FANCD2: variants seen among roughly 807,000 people sequenced by gnomAD.
FANCD2 encodes the protein FA complementation group D2.
A neutral mutation model predicts 192.3 loss-of-function variants in FANCD2; 131 were observed. That is an observed-to-expected ratio of 0.68 (90% CI 0.59 to 0.79). FANCD2 has a LOEUF of 0.79. FANCD2 is among the 30% of genes least tolerant of loss of function. The pLI is 0.00. For missense variants in FANCD2, 1,508 were observed against 1,701.6 expected (o/e 0.89, Z 2.00); for synonymous variants, 524 against 612.5 (o/e 0.86, Z 2.13).
chr3:10,096,567 C>A, intron 42 of FANCD2, 95 bp downstream of exon 42: 1 of 1,118,638 alleles, frequency 8.9e-7, no homozygotes, highest in African/African-American at 1.5e-5. Context: ...GCCCTCGTCT[C>A]TCAGTAAGGC....
rs571928194 is a variant in FANCD2, at chr3:10,075,009, T to TC, written c.2859+337dup. 2.4e-4 allele frequency among the ~76,000 whole-genome samples: 37 copies of TC among 152,262 alleles called. No homozygotes were observed. In the East Asian group the frequency reaches 4.1e-3, roughly 17 times the overall value. On this transcript the variant is annotated intron_variant, in intron 29 of 43. Transcript: ENST00000675286. Reference sequence around the variant, plus strand: ...AGAAGTCAATGCCCTTTTCACTTTTTCACAACATTTGTTCAGCACCTGACA... The same window carrying TC: ...AGAAGTCAATGCCCTTTTCACTTTTTCCACAACATTTGTTCAGCACCTGACA...
At chr3:10,077,793 G>T (rs893447421) in intron 29 of FANCD2, among the ~76,000 whole-genome samples, 2 of 152,068 alleles carry the variant, frequency 1.3e-5, no homozygotes, top group African/African-American at 4.8e-5. Context: ...ATATTGGGAG[G>T]CCAAGGCAGA....
intron 9 of FANCD2, chr3:10,040,653 A>G: frequency 4.6e-6 from 2 of 433,132 alleles, no homozygotes; most frequent in South Asian, 1.7e-5. Context: ...GGAGAACAAT[A>G]TCCCTAGGTA....
chr3:10,086,282 C>G (rs114848937), intron 33 of FANCD2, among the ~76,000 whole-genome samples: 19 of 152,324 alleles, frequency 1.2e-4, no homozygotes, highest in African/African-American at 4.6e-4. Context: ...TAGCCTGTTT[C>G]TTTCCCCTTG....
chr3:10,035,107 A>C lies in FANCD2; in HGVS notation c.378-66A>C. On this transcript the variant is annotated intron_variant, in intron 5 of 43. Coordinates refer to ENST00000675286, the MANE Select transcript of FANCD2 (RefSeq NM_001018115.3). ...TATGTATTTAACCAATTTTATTGAG[A>C]AAAGATGATAAAAGCATTAAAACAA... The C allele has an allele frequency of 8.9e-6, 12 of 1,348,904 alleles. 1 individual carries two copies. The South Asian group carries it at 1.4e-4, about 16-fold the overall frequency. The allele number at this position is 1,348,904 out of a possible 1,614,324, so 83.6% of individuals were successfully genotyped here. A position where few individuals can be genotyped will look rare whatever the true frequency, so the allele number is the denominator to read the frequency against.
intron 25 of FANCD2, 83 bp from the exon 26 acceptor site, chr3:10,067,126 A>G (rs1258010894): frequency 2.2e-6 from 2 of 893,852 alleles, no homozygotes; most frequent in African/African-American, 3.3e-5. Flanking sequence ...TTTCATAGAC[A>G]TCTCTCAGCT....
rs1239986149 is a variant in FANCD2, at chr3:10,095,407, G to T, written c.4038+133G>T. ...TGTCTGTCCAAAGGCAGTTTATTCA[G>T]AGCAAATCCTTAGTTGCTCCTTGAG... On this transcript the variant is annotated intron_variant, in intron 41 of 43. Transcript: ENST00000675286. The T allele has an allele frequency of 4.0e-6, 3 of 757,306 alleles. No homozygotes were observed. In the Admixed American group the frequency reaches 6.1e-5, roughly 15 times the overall value. The allele number at this position is 757,306 out of a possible 1,614,324, so 46.9% of individuals were successfully genotyped here.
In FANCD2 at chr3:10,052,507, A is replaced by C. The variant is rs2087247708; in HGVS notation, c.1656+10A>C. 1 of 1,586,816 alleles carries C rather than the reference A, an allele frequency of 6.3e-7. No homozygotes were observed. Among genetic ancestry groups the C allele is most frequent in the South Asian group, 1.1e-5 (1 of 90,480 alleles). On this transcript the variant is annotated intron_variant, in intron 18 of 43. Coordinates refer to ENST00000675286, the MANE Select transcript of FANCD2 (RefSeq NM_001018115.3). ...CAGCAGCCACATCCAGGTAAGAGGC[A>C]ATATGTTGGGAAAGATTTTTTTTTT...
chr3:10,030,001 T>C (rs2086551855), intron 2 of FANCD2, among the ~76,000 whole-genome samples: 1 of 152,018 alleles, frequency 6.6e-6, no homozygotes, highest in African/African-American at 2.4e-5. Context: ...GGCCAGGGGC[T>C]GTCTGGAACT....
intron 18 of FANCD2, among the ~76,000 whole-genome samples, chr3:10,053,524 T>A (rs928362724): frequency 4.2e-5 from 6 of 142,724 alleles, no homozygotes; most frequent in African/African-American, 1.7e-4. Flanking sequence ...ACTTACAGTA[T>A]AATAATAATA....
At chr3:10,100,250 C>G (rs1041063067) in intron 43 of FANCD2, among the ~76,000 whole-genome samples, 1 of 152,168 alleles carries the variant, frequency 6.6e-6, no homozygotes, top group African/African-American at 2.4e-5. Flanking sequence ...CTACTTTTTT[C>G]TCAGAATTTG....
intron 34 of FANCD2, among the ~76,000 whole-genome samples, chr3:10,087,789 C>T (rs1253476924): frequency 6.6e-6 from 1 of 152,050 alleles, no homozygotes; most frequent in Non-Finnish European, 1.5e-5. Context: ...GCTGGGATTA[C>T]AGGTGCGCAC....
rs7637888 is a variant in FANCD2 at position 10,039,038 on chromosome 3, T to C, written c.492-241T>C. Among the ~76,000 whole-genome samples the C allele has an allele frequency of 0.2, 30,038 of 152,142 alleles. 3,478 individuals carry two copies. Among genetic ancestry groups the C allele is most frequent in the African/African-American group, 0.32 (13,278 of 41,470 alleles). On this transcript the variant is annotated intron_variant, in intron 7 of 43. Coordinates refer to ENST00000675286, the MANE Select transcript of FANCD2 (RefSeq NM_001018115.3). ...AGCCCTGTCATCCCTTCTCTCTAAA[T>C]CCTCCCTGGATGTAGTCACTGTTCA... is the stretch of plus-strand genomic sequence containing the variant.
chr3:10,040,733 C>G (rs1264991391), intron 9 of FANCD2: 1 of 359,558 alleles, frequency 2.8e-6, no homozygotes, highest in South Asian at 2.1e-5. Flanking sequence ...GTTTGTAATA[C>G]TTCCTTTTGT....
intron 32 of FANCD2, 73 bp from the exon 33 acceptor site, chr3:10,085,739 G>A: frequency 1.0e-6 from 1 of 964,374 alleles, no homozygotes; most frequent in Non-Finnish European, 1.7e-6. Flanking sequence ...CAGACTGGAG[G>A]CCAGGATCCT....
In FANCD2 at chr3:10,042,550, A is replaced by G. The variant is rs1388537203; in HGVS notation, c.784-9A>G. 1.9e-6 allele frequency: 3 copies of G among 1,609,052 alleles called. No individual in the cohort carries two copies. Among genetic ancestry groups the G allele is most frequent in the Non-Finnish European group, 2.6e-6 (3 of 1,175,596 alleles). On this transcript the variant is annotated splice_polypyrimidine_tract_variant and intron_variant, in intron 10 of 43. Coordinates refer to ENST00000675286, the MANE Select transcript of FANCD2 (RefSeq NM_001018115.3). ...AAACCTATTAAGTTTCTGTGCTTTT[A>G]ATTTTTAGGTTCGCCAGTTGGTGAT...
intron 30 of FANCD2, 89 bp downstream of exon 30, chr3:10,078,286 C>A: frequency 1.1e-6 from 1 of 877,874 alleles, no homozygotes; most frequent in Non-Finnish European, 2.0e-6. Flanking sequence ...CTTTCTTTGG[C>A]ATTGTGTTTG....
At chr3:10,034,089 T>TGAG (rs2086668886) in intron 3 of FANCD2, among the ~76,000 whole-genome samples, 1 of 149,806 alleles carries the variant, frequency 6.7e-6, no homozygotes, top group African/African-American at 2.4e-5. Context: ...CTTGGGAGGC[T>TGAG]GAGGAGGGTG....
In FANCD2 at chr3:10,094,296, G is replaced by A. The variant is rs781701459; in HGVS notation, c.3896G>A (p.Arg1299His). The A allele has an allele frequency of 2.0e-5, 33 of 1,613,670 alleles. No homozygotes were observed. The highest frequency in any genetic ancestry group is 1.1e-4 in the East Asian group (5 of 44,892). ...TGTGTCTCTCTTCTTCAGTATGGGC[G>A]TCTCTTTGTGGAAGCATTTCTGAAG... The part of the protein sequence containing the change: ...PVLHVCLKYG[R>H]LFVEAFLKQC... Residue 1299 changes from arginine to histidine, a missense_variant, in exon 40 of 44, where the codon CGT (arginine) becomes CAT (histidine). Physicochemically the swap from Arg to His is conservative, Grantham distance 29. Coordinates refer to ENST00000675286, the MANE Select transcript of FANCD2 (RefSeq NM_001018115.3).
Sources: gnomAD v4.1 joint callset for allele counts (sites outside exome capture counted in the v4.1 genomes callset) on GRCh38, gnomAD v4.1.1 for gene constraint, MANE v1.5 for transcripts, NCBI Gene and HGNC (gene_info 2026-07-23, HGNC 2026-07-21) for gene names.